Variants in PDE1A observed in about 807,000 individuals in gnomAD.
The protein encoded by PDE1A is dual specificity calcium/calmodulin-dependent 3',5'-cyclic nucleotide phosphodiesterase 1A.
A neutral mutation model predicts 61.7 loss-of-function variants in PDE1A; 35 were observed. The observed-to-expected ratio is 0.57, with a 90% CI of 0.43 to 0.75. The LOEUF is 0.75. Ranked by LOEUF, PDE1A falls within the 30% of genes least tolerant of loss-of-function variation. The pLI is 0.00. For missense variants in PDE1A, 597 were observed against 630.6 expected, an observed-to-expected ratio of 0.95 and a Z score of 0.57; for synonymous variants, 232 against 213.2, an observed-to-expected ratio of 1.09 and a Z score of -0.77.
At chr2:182,373,215 C>G (rs1054778823) in intron 1 of PDE1A, among the ~76,000 whole-genome samples, 1 of 152,240 alleles carries the variant, frequency 6.6e-6, no homozygotes, top group Admixed American at 6.5e-5. Context: ...GAAGGGGAAC[C>G]AATTACTATC....
chr2:182,377,086 T>C (rs1386746158), intron 1 of PDE1A, among the ~76,000 whole-genome samples: 1 of 152,192 alleles, frequency 6.6e-6, no homozygotes, highest in Non-Finnish European at 1.5e-5. Flanking sequence ...TTAACCCACG[T>C]GATTGGGTAA....
At chr2:182,167,841 A>G (rs897322310), downstream of PDE1A, 16 of 890,744 alleles carry the variant, frequency 1.8e-5, no homozygotes, top group African/African-American at 2.9e-4. Flanking sequence ...TTTTTTTTTT[A>G]ATTTGCACTA....
intron 13 of PDE1A, among the ~76,000 whole-genome samples, chr2:182,152,832 G>C (rs1281918337): frequency 1.3e-5 from 2 of 152,110 alleles, no homozygotes; most frequent in Admixed American, 6.6e-5. Context: ...CTGCACACTA[G>C]GCAGAAGAAA....
At chr2:182,631,070 T>G in the PDE1A span, among the ~76,000 whole-genome samples, 2 of 152,094 alleles carry the variant, frequency 1.3e-5, no homozygotes, top group Non-Finnish European at 2.9e-5. Context: ...CACACAATTG[T>G]GGAAGCTGAG....
chr2:182,383,915 A>T (rs1195586827), intron 1 of PDE1A, among the ~76,000 whole-genome samples: 1 of 152,056 alleles, frequency 6.6e-6, no homozygotes, highest in East Asian at 1.9e-4. Context: ...CTACAGTAAA[A>T]CTCAGCACTG....
At chr2:182,630,128 A>T in the PDE1A span, among the ~76,000 whole-genome samples, 1 of 151,668 alleles carries the variant, frequency 6.6e-6, no homozygotes, top group Non-Finnish European at 1.5e-5. Context: ...GCATTCAAAC[A>T]TTTTTTTTCC....
At chr2:182,573,938 A>G in the PDE1A span, among the ~76,000 whole-genome samples, 1 of 139,448 alleles carries the variant, frequency 7.2e-6, no homozygotes. Flanking sequence ...ACATATGTAT[A>G]TTTATATATT....
intron 2 of PDE1A, among the ~76,000 whole-genome samples, chr2:182,506,964 G>A (rs1323632697): frequency 6.6e-6 from 1 of 152,160 alleles, no homozygotes; most frequent in Non-Finnish European, 1.5e-5. Flanking sequence ...AGCAATACAA[G>A]TTCAGTACAC....
intron 2 of PDE1A, among the ~76,000 whole-genome samples, chr2:182,259,458 T>C (rs1228227565): frequency 6.6e-6 from 1 of 152,192 alleles, no homozygotes; most frequent in Non-Finnish European, 1.5e-5. Context: ...AAATAAGAAT[T>C]TTATTTAAAA....
the PDE1A span, among the ~76,000 whole-genome samples, chr2:182,643,092 C>G: frequency 1.3e-5 from 2 of 152,154 alleles, no homozygotes; most frequent in African/African-American, 4.8e-5. Flanking sequence ...GTGAGGCAGC[C>G]TTAACCTTTG....
At chr2:182,709,876 T>A in the PDE1A span, among the ~76,000 whole-genome samples, 1 of 152,176 alleles carries the variant, frequency 6.6e-6, no homozygotes, top group Admixed American at 6.5e-5. Flanking sequence ...AAATCGTACC[T>A]ACTGCCTTCT....
chr2:182,304,148 G>A (rs1378537636), intron 1 of PDE1A, among the ~76,000 whole-genome samples: 1 of 152,072 alleles, frequency 6.6e-6, no homozygotes, highest in African/African-American at 2.4e-5. Flanking sequence ...CTCCCAAAGT[G>A]CTGGATTATA....
intron 2 of PDE1A, among the ~76,000 whole-genome samples, chr2:182,259,405 T>C (rs572480886): frequency 6.6e-6 from 1 of 152,346 alleles, no homozygotes; most frequent in African/African-American, 2.4e-5. Context: ...TAGCTTCATG[T>C]GTTATGTATC....
chr2:182,470,935 C>T (rs1686988677), intron 2 of PDE1A, among the ~76,000 whole-genome samples: 1 of 151,696 alleles, frequency 6.6e-6, no homozygotes, highest in South Asian at 2.1e-4. Context: ...TCATGAATTA[C>T]CTTGTCTGTG....
chr2:182,277,252 G>T (rs1693484148), intron 1 of PDE1A, among the ~76,000 whole-genome samples: 1 of 151,958 alleles, frequency 6.6e-6, no homozygotes. Context: ...GGGCATCATG[G>T]TCCTACTGAT....
the PDE1A span, among the ~76,000 whole-genome samples, chr2:182,684,303 T>A: frequency 6.6e-6 from 1 of 152,176 alleles, no homozygotes; most frequent in Non-Finnish European, 1.5e-5. Context: ...ATGTACATTG[T>A]GTATTATATA....
chr2:182,175,881 C>A (rs1692717371), intron 13 of PDE1A, among the ~76,000 whole-genome samples: 1 of 140,082 alleles, frequency 7.1e-6, no homozygotes, highest in South Asian at 2.3e-4. Flanking sequence ...AGGAAGGCAT[C>A]CAGTTTCAGC....
At chr2:182,690,661 T>G in the PDE1A span, among the ~76,000 whole-genome samples, 1 of 152,164 alleles carries the variant, frequency 6.6e-6, no homozygotes, top group African/African-American at 2.4e-5. Context: ...TTCAACATAG[T>G]GTTGGAAGTT....
chr2:182,700,883 C>T, the PDE1A span, among the ~76,000 whole-genome samples: 1 of 151,882 alleles, frequency 6.6e-6, no homozygotes, highest in African/African-American at 2.4e-5. Context: ...CACCACTGCA[C>T]TCCAGCCTGA....
Sources: allele counts gnomAD v4.1 joint callset (sites outside exome capture counted in the v4.1 genomes callset), GRCh38; gene constraint gnomAD v4.1.1; transcripts MANE v1.5; gene names NCBI Gene and HGNC (gene_info 2026-07-23, HGNC 2026-07-21).